RICTOR: variants seen among roughly 807,000 people sequenced by gnomAD.
The protein encoded by RICTOR is RPTOR independent companion of MTOR complex 2, also known as rapamycin-insensitive companion of mTOR.
In RICTOR, 49 loss-of-function variants were observed where a neutral mutation model predicts 214.9. The ratio of observed to expected loss-of-function variants is 0.23; its 90% CI spans 0.18 to 0.29. The LOEUF (loss-of-function observed/expected upper bound fraction) is 0.29. RICTOR is among the 10% of genes least tolerant of loss of function. The pLI, the probability that RICTOR is intolerant of heterozygous loss-of-function variation, is 1.00. For synonymous variants in RICTOR, 717 were observed against 711.3 expected (o/e 1.01, Z -0.13); for missense variants, 1,625 against 2,047.0 (o/e 0.79, Z 3.98).
chr5:38,955,090 G>C (rs1405758079), intron 26 of RICTOR, among the ~76,000 whole-genome samples: 1 of 151,920 alleles, frequency 6.6e-6, no homozygotes, highest in Non-Finnish European at 1.5e-5. Context: ...ACATGACACT[G>C]TAAGTGGAAA....
rs760140317 is a variant in RICTOR, at chr5:38,959,731, AAAAAT to A, written c.2051+43_2051+47del. 3.2e-6 allele frequency: 4 copies of A among 1,246,248 alleles called. No homozygotes were observed. The South Asian group carries it at 4.8e-5, about 15-fold the overall frequency. The allele number at this position is 1,246,248 out of a possible 1,614,324, so 77.2% of individuals were successfully genotyped here. A position where few individuals can be genotyped will look rare whatever the true frequency, so the allele number is the denominator to read the frequency against. On this transcript the variant is annotated intron_variant, in intron 21 of 37. Transcript: ENST00000357387. ...AAAGCATACCATATCTAACTACATTAAAAATAAAGTTCATGTATATATTGCAACAA... is the reference window on the plus strand; with the variant it reads ...AAAGCATACCATATCTAACTACATTAAAAGTTCATGTATATATTGCAACAA...
At chr5:39,057,630 A>G (rs1314372129) in intron 2 of RICTOR, among the ~76,000 whole-genome samples, 1 of 152,136 alleles carries the variant, frequency 6.6e-6, no homozygotes, top group Non-Finnish European at 1.5e-5. Flanking sequence ...CTCTTAATAG[A>G]ATCAAGCAAT....
intron 7 of RICTOR, among the ~76,000 whole-genome samples, 185 bp from the exon 8 acceptor site, chr5:38,982,221 T>G (rs1231464243): frequency 6.6e-6 from 1 of 152,184 alleles, no homozygotes; most frequent in Non-Finnish European, 1.5e-5. Flanking sequence ...CCCCACAACC[T>G]GATATTTAAA....
intron 1 of RICTOR, 32 bp from the exon 2 acceptor site, chr5:39,074,190 G>A (rs774317070): frequency 5.7e-6 from 9 of 1,591,390 alleles, no homozygotes; most frequent in Non-Finnish European, 7.7e-6. Flanking sequence ...CCCCAATTAG[G>A]ATTGGCTCGC....
intron 2 of RICTOR, among the ~76,000 whole-genome samples, chr5:39,024,285 T>C (rs748541899): frequency 2.0e-5 from 3 of 152,184 alleles, no homozygotes; most frequent in Non-Finnish European, 4.4e-5. Context: ...TAGAGACTTC[T>C]GGTTTAGCGT....
intron 7 of RICTOR, among the ~76,000 whole-genome samples, chr5:38,990,747 G>GATATGATATATATCATATATATCAT (rs1752662746): frequency 4.3e-4 from 10 of 23,108 alleles, no homozygotes; most frequent in African/African-American, 7.2e-4. Flanking sequence ...ATATATATGA[G>GATATGATATATATCATATATATCAT]ATATATGATA....
Position 38,939,035 on chromosome 5 carries a change from TCTCA to T in RICTOR, c.*3265_*3268del. ...TTCCCAAAGTAGTTTACAAAGTTCA[TCTCA>T]CACAAAATTAGCACCTCACTCTTAC... On this transcript the variant is annotated 3_prime_UTR_variant, in exon 38 of 38. Transcript: ENST00000357387. 4.3e-6 allele frequency: 1 copy of T among 233,150 alleles called. No individual in the cohort carries two copies. Among genetic ancestry groups the T allele is most frequent in the South Asian group, 1.8e-4 (1 of 5,530 alleles). The allele number at this position is 233,150 out of a possible 1,614,324, so 14.4% of individuals were successfully genotyped here.
rs1245161126 is a variant in RICTOR at position 38,981,921 on chromosome 5, G to A, written c.699C>T (p.His233=). The A allele has an allele frequency of 1.2e-6, 2 of 1,613,002 alleles. No homozygotes were observed. Among genetic ancestry groups the A allele is most frequent in the African/African-American group, 1.3e-5 (1 of 74,884 alleles). Residue 233 remains histidine, a synonymous_variant, in exon 8 of 38, where the codon CAC becomes CAT. Coordinates refer to ENST00000357387, the MANE Select transcript of RICTOR (RefSeq NM_152756.5). The part of the protein sequence containing the change: ...INEALITTIL[H]LLNHPKTRQY... Reference sequence around the variant, plus strand: ...GTCGAGTCTTTGGATGATTAAGAAGGTGCAAAATTGTAGTAATTAGGGCCT... The same window carrying A: ...GTCGAGTCTTTGGATGATTAAGAAGATGCAAAATTGTAGTAATTAGGGCCT...
chr5:38,971,893 G>T lies in RICTOR; in HGVS notation c.956C>A (p.Pro319Gln). The T allele has an allele frequency of 7.1e-7, 1 of 1,409,706 alleles. No homozygotes were observed. Among genetic ancestry groups the T allele is most frequent in the Non-Finnish European group, 1.0e-6 (1 of 997,324 alleles). The allele number at this position is 1,409,706 out of a possible 1,614,324, so 87.3% of individuals were successfully genotyped here. ...TTTACCTACCCTTATTTCCATATTT[G>T]GTATGCAAAGTACTCCTATTAGAGA... The part of the protein sequence containing the change: ...IQSLIGVLCI[P>Q]NMEIRRGLLE... The change falls in exon 11 of 38, where the codon CCA becomes CAA. Residue 319 changes from proline to glutamine, a missense_variant. Physicochemically the swap from Pro to Gln is moderately conservative, Grantham distance 76. Coordinates refer to ENST00000357387, the MANE Select transcript of RICTOR (RefSeq NM_152756.5).
intron 7 of RICTOR, among the ~76,000 whole-genome samples, chr5:38,986,060 T>C (rs146033888): frequency 1.3e-5 from 2 of 152,120 alleles, no homozygotes; most frequent in Admixed American, 1.3e-4. Context: ...CAAGAATGAT[T>C]TGGTTTGGCT....
At position 38,990,523 on chromosome 5, in the gene RICTOR, T is replaced by TATATAC. The variant is rs141086118; in HGVS notation, c.583+425_583+426insGTATAT. Among the ~76,000 whole-genome samples the TATATAC allele has an allele frequency of 5.0e-3, 654 of 129,786 alleles. 10 individuals are homozygous for TATATAC. The highest frequency in any genetic ancestry group is 0.014 in the African/African-American group (472 of 33,704). 85.1% of individuals were successfully genotyped at this position (129,786 alleles called of 152,430 possible). A position where few individuals can be genotyped will look rare whatever the true frequency, so the allele number is the denominator to read the frequency against. On this transcript the variant is annotated intron_variant, in intron 7 of 37. Transcript: ENST00000357387. ...ATATACGATATATACACGATATATA[T>TATATAC]ACGATATATATACGATATATACACG...
Position 38,950,419 on chromosome 5 carries a change from A to T in RICTOR, c.3429T>A (p.His1143Gln), listed in dbSNP as rs200388109. The change falls in exon 31 of 38, where the codon CAT (histidine) becomes CAA (glutamine). Residue 1143 changes from histidine to glutamine, a missense_variant. Transcript: ENST00000357387. ...TGGATATGGGTGTAAAATCATCACT[A>T]TGATTAAAATCAACACTGGGCTCCG... ...TLTEPSVDFNHSDDFTPISTV... is the reference protein window; with the variant it reads ...TLTEPSVDFNQSDDFTPISTV... 1 of 1,613,542 alleles carries T rather than the reference A, an allele frequency of 6.2e-7. No individual in the cohort carries two copies. The highest frequency in any genetic ancestry group is 8.5e-7 in the Non-Finnish European group (1 of 1,179,592).
chr5:39,040,409 G>A (rs1385975539), intron 2 of RICTOR, among the ~76,000 whole-genome samples: 4 of 151,858 alleles, frequency 2.6e-5, no homozygotes, highest in African/African-American at 7.3e-5. Flanking sequence ...TGGCACATGT[G>A]TACATATGTA....
intron 4 of RICTOR, 114 bp from the exon 5 acceptor site, chr5:39,002,780 G>T: frequency 1.0e-6 from 1 of 971,792 alleles, no homozygotes. Flanking sequence ...GTCATGCACA[G>T]AATTCTAAGA....
At chr5:39,043,942 C>T (rs1757328835) in intron 2 of RICTOR, among the ~76,000 whole-genome samples, 1 of 152,154 alleles carries the variant, frequency 6.6e-6, no homozygotes, top group Non-Finnish European at 1.5e-5. Flanking sequence ...ACTTCTTAGC[C>T]TTCATAACGG....
chr5:39,072,941 A>G (rs553248425), intron 2 of RICTOR, among the ~76,000 whole-genome samples: 2 of 152,256 alleles, frequency 1.3e-5, no homozygotes, highest in Non-Finnish European at 2.9e-5. Context: ...AAAGCTGACC[A>G]TTCAGTTTAT....
Position 38,962,523 on chromosome 5 carries a change from G to T in RICTOR, c.1630C>A (p.Leu544Ile). Residue 544 changes from leucine (L) to isoleucine (I), a missense_variant, in exon 18 of 38, where the codon CTT becomes ATT. Physicochemically the swap from Leu to Ile is conservative, Grantham distance 5. Coordinates refer to ENST00000357387, the MANE Select transcript of RICTOR (RefSeq NM_152756.5). ...DSQVLQHKEN[L>I]EWNWNLIGTI... ...CCTATAAGATTCCAATTCCATTCAAGATTCTCTTTATGTTGAAGGACTTGG... is the reference window on the plus strand; with the variant it reads ...CCTATAAGATTCCAATTCCATTCAATATTCTCTTTATGTTGAAGGACTTGG... 1 of 1,584,296 alleles carries T rather than the reference G, an allele frequency of 6.3e-7. No individual in the cohort carries two copies. The highest frequency in any genetic ancestry group is 8.6e-7 in the Non-Finnish European group (1 of 1,159,912).
chr5:38,947,166 T>G, intron 32 of RICTOR, 98 bp downstream of exon 32: 1 of 831,450 alleles, frequency 1.2e-6, no homozygotes, highest in Non-Finnish European at 1.9e-6. Flanking sequence ...TGCCCCAAAC[T>G]GGTGCCCACC....
intron 2 of RICTOR, among the ~76,000 whole-genome samples, chr5:39,043,526 A>G (rs1198930794): frequency 6.6e-6 from 1 of 152,160 alleles, no homozygotes; most frequent in African/African-American, 2.4e-5. Context: ...AGGAGGAATA[A>G]GTTCTGGTGT....
Sources: gnomAD v4.1 joint callset for allele counts (sites outside exome capture counted in the v4.1 genomes callset) on GRCh38, gnomAD v4.1.1 for gene constraint, MANE v1.5 for transcripts, NCBI Gene and HGNC (gene_info 2026-07-23, HGNC 2026-07-21) for gene names.